Variants in VIPR1 observed in about 807,000 individuals in gnomAD.
VIPR1 encodes the protein vasoactive intestinal polypeptide receptor 1.
A neutral mutation model predicts 58.8 loss-of-function variants in VIPR1; 59 were observed. The observed-to-expected ratio is 1.00, with a 90% confidence interval of 0.81 to 1.25. VIPR1 has a LOEUF of 1.25. VIPR1 is among the 50% of genes most tolerant of loss of function. The pLI, the probability that VIPR1 is intolerant of heterozygous loss-of-function variation, is 0.00. For synonymous variants in VIPR1, 251 were observed against 242.1 expected, an observed-to-expected ratio of 1.04 and a Z score of -0.34; for missense variants, 626 against 602.7, an observed-to-expected ratio of 1.04 and a Z score of -0.40.
intron 6 of VIPR1, chr3:42,528,649 C>T: frequency 6.5e-6 from 1 of 153,914 alleles, no homozygotes. Context: ...CAGGCTGGTT[C>T]TGGGCCTTCC....
intron 1 of VIPR1, among the ~76,000 whole-genome samples, chr3:42,494,903 T>C (rs1699729309): frequency 6.6e-6 from 1 of 152,216 alleles, no homozygotes. Flanking sequence ...TAATATTCAT[T>C]GTTATTCACT....
intron 3 of VIPR1, among the ~76,000 whole-genome samples, chr3:42,522,080 A>AATATATAT (rs59106663): frequency 0.02 from 1,058 of 52,852 alleles, 52 homozygotes; most frequent in East Asian, 0.074. Context: ...TCTACCTTCG[A>AATATATAT]ATATATATAT....
intron 1 of VIPR1, among the ~76,000 whole-genome samples, chr3:42,491,548 T>A (rs964535452): frequency 5.9e-5 from 9 of 152,162 alleles, no homozygotes; most frequent in Non-Finnish European, 1.2e-4. Flanking sequence ...ATTTTGAAGC[T>A]TTCTTTCTTT....
intron 2 of VIPR1, among the ~76,000 whole-genome samples, chr3:42,515,108 A>G (rs962325506): frequency 6.6e-6 from 1 of 152,182 alleles, no homozygotes; most frequent in African/African-American, 2.4e-5. Flanking sequence ...CTGAGCTTAC[A>G]GTTATGTAAC....
At chr3:42,522,737 G>A (rs1701015681) in intron 3 of VIPR1, among the ~76,000 whole-genome samples, 1 of 152,202 alleles carries the variant, frequency 6.6e-6, no homozygotes, top group African/African-American at 2.4e-5. Flanking sequence ...ATCCAGGGGA[G>A]ATGAGGTGGT....
upstream of VIPR1, chr3:42,502,543 C>T (rs1220090529): frequency 5.2e-6 from 2 of 382,792 alleles, no homozygotes; most frequent in African/African-American, 2.1e-5. Context: ...CCGCCTCCAC[C>T]CATCCATTGG....
At chr3:42,524,887 A>T (rs1353660025) in intron 3 of VIPR1, among the ~76,000 whole-genome samples, 2 of 152,104 alleles carry the variant, frequency 1.3e-5, no homozygotes, top group Non-Finnish European at 2.9e-5. Context: ...TTAACTGTGA[A>T]ATGGAGTTAA....
intron 1 of VIPR1, among the ~76,000 whole-genome samples, chr3:42,506,314 C>A (rs1364411791): frequency 6.6e-6 from 1 of 152,158 alleles, no homozygotes; most frequent in Non-Finnish European, 1.5e-5. Context: ...CACAACTCTG[C>A]CATTGCTGGG....
At chr3:42,491,720 G>A (rs1278492406) in intron 1 of VIPR1, among the ~76,000 whole-genome samples, 7 of 152,144 alleles carry the variant, frequency 4.6e-5, no homozygotes, top group Admixed American at 1.3e-4. Context: ...GGCTACAGGC[G>A]TGCACCACTA....
At chr3:42,514,527 G>A (rs1243534536) in intron 2 of VIPR1, among the ~76,000 whole-genome samples, 2 of 147,626 alleles carry the variant, frequency 1.4e-5, no homozygotes, top group Non-Finnish European at 3.0e-5. Flanking sequence ...ACATCCAGAG[G>A]ACCGATAGTG....
chr3:42,531,621 G>A, intron 8 of VIPR1, 90 bp downstream of exon 8: 5 of 1,572,118 alleles, frequency 3.2e-6, no homozygotes, highest in Non-Finnish European at 4.3e-6. Context: ...CTTGGTGAGT[G>A]GACAAAAACC....
intron 2 of VIPR1, among the ~76,000 whole-genome samples, chr3:42,518,505 A>G (rs1454432810): frequency 6.6e-6 from 1 of 152,128 alleles, no homozygotes; most frequent in Non-Finnish European, 1.5e-5. Context: ...TTGGGAGGCC[A>G]AGGTGGGAGG....
At chr3:42,502,507 C>T (rs1039076552), upstream of VIPR1, 1 of 355,688 alleles carries the variant, frequency 2.8e-6, no homozygotes, top group Non-Finnish European at 5.0e-6. Flanking sequence ...GGCTCCCCAG[C>T]CCCGCCCCAT....
At chr3:42,507,048 T>C (rs1700149282) in intron 1 of VIPR1, 1 of 152,224 alleles carries the variant, frequency 6.6e-6, no homozygotes, top group Non-Finnish European at 1.5e-5. Context: ...AAGTAAATTA[T>C]AAACCTCCTG....
upstream of VIPR1, among the ~76,000 whole-genome samples, chr3:42,497,717 T>A (rs945058968): frequency 1.3e-5 from 2 of 152,194 alleles, no homozygotes; most frequent in African/African-American, 4.8e-5. Context: ...CTTGTGGTAG[T>A]GAATAACTCT....
chr3:42,501,088 A>T (rs1331297967), upstream of VIPR1, among the ~76,000 whole-genome samples: 1 of 152,110 alleles, frequency 6.6e-6, no homozygotes, highest in Non-Finnish European at 1.5e-5. The surrounding 1 kb of genome is among the most constrained non-coding windows in gnomAD (Gnocchi z 4.8). Context: ...TAATGAAGGG[A>T]AGGAGGAGAG....
In VIPR1 at chr3:42,535,959, T is replaced by C. The variant is rs1011702843; in HGVS notation, c.1183-131T>C. 6.8e-6 allele frequency: 8 copies of C among 1,173,486 alleles called. No homozygotes were observed. In the East Asian group the frequency reaches 1.1e-4, roughly 16 times the overall value. The allele number at this position is 1,173,486 out of a possible 1,614,324, so 72.7% of individuals were successfully genotyped here. ...CAAGTTTGCACCGCCCGAGGCAGCA[T>C]AGGGGTCCCTCCATTTTGATTTCCT... On this transcript the variant is annotated intron_variant, in intron 12 of 12. Coordinates refer to ENST00000325123, the MANE Select transcript of VIPR1 (RefSeq NM_004624.4).
rs774453169 is a variant in VIPR1 at position 42,537,179 on chromosome 3, G to C, written c.*898G>C. 2 of 152,248 alleles carry C rather than the reference G, an allele frequency of 1.3e-5. No homozygotes were observed. Among genetic ancestry groups the C allele is most frequent in the Non-Finnish European group, 2.9e-5 (2 of 68,052 alleles). 9.4% of individuals were successfully genotyped at this position (152,248 alleles called of 1,614,324 possible). A position where few individuals can be genotyped will look rare whatever the true frequency, so the allele number is the denominator to read the frequency against. On this transcript the variant is annotated 3_prime_UTR_variant, in exon 13 of 13. Transcript: ENST00000325123. ...GCCAACTGTTGTAACTAGGCTCAGA[G>C]ATGTGCACCCATGGGCTCTGACAGA... is the stretch of plus-strand genomic sequence containing the variant.
upstream of VIPR1, among the ~76,000 whole-genome samples, chr3:42,498,817 T>G (rs1358283814): frequency 6.6e-6 from 1 of 152,114 alleles, no homozygotes; most frequent in Non-Finnish European, 1.5e-5. Context: ...GTGCGGGTGT[T>G]GAGACGTGAA....
Sources: allele counts gnomAD v4.1 joint callset (sites outside exome capture counted in the v4.1 genomes callset), GRCh38; gene constraint gnomAD v4.1.1; non-coding constraint Gnocchi (gnomAD v3.1); transcripts MANE v1.5; gene names NCBI Gene and HGNC (gene_info 2026-07-23, HGNC 2026-07-21).